PTPRG: variants seen among roughly 807,000 people sequenced by gnomAD.
PTPRG encodes protein tyrosine phosphatase receptor type G.
PTPRG carries 102 observed loss-of-function variants against 165.3 expected under a neutral mutation model. The observed-to-expected ratio is 0.62, with a 90% confidence interval of 0.53 to 0.73. PTPRG has a LOEUF of 0.73. PTPRG is among the 30% of genes least tolerant of loss of function. PTPRG has a pLI of 0.00. For missense variants in PTPRG, 1,866 were observed against 1,861.4 expected, an observed-to-expected ratio of 1.00 and a Z score of -0.05; for synonymous variants, 675 against 669.5, an observed-to-expected ratio of 1.01 and a Z score of -0.13.
intron 6 of PTPRG, among the ~76,000 whole-genome samples, chr3:62,153,515 A>G (rs9846603): frequency 0.012 from 1,773 of 152,314 alleles, 32 homozygotes; most frequent in African/African-American, 0.041. Flanking sequence ...TGGACAATAT[A>G]TCTAACATGG....
intron 8 of PTPRG, among the ~76,000 whole-genome samples, chr3:62,171,879 C>T (rs912352645): frequency 2.6e-5 from 4 of 152,186 alleles, no homozygotes; most frequent in Admixed American, 2.6e-4. Context: ...GTAGCAATCA[C>T]TCCCATTCTC....
At chr3:62,208,312 A>C (rs550143770) in intron 12 of PTPRG, among the ~76,000 whole-genome samples, 1 of 152,318 alleles carries the variant, frequency 6.6e-6, no homozygotes, top group South Asian at 2.1e-4. Context: ...AACTGATGCA[A>C]TGAAATGTTC....
intron 28 of PTPRG, among the ~76,000 whole-genome samples, chr3:62,288,293 T>A (rs1195670426): frequency 6.6e-6 from 1 of 151,960 alleles, no homozygotes; most frequent in Non-Finnish European, 1.5e-5. Flanking sequence ...ATAGTAAAAT[T>A]TAAGCAATAA....
At chr3:61,877,660 C>T (rs755295100) in intron 2 of PTPRG, among the ~76,000 whole-genome samples, 18 of 152,222 alleles carry the variant, frequency 1.2e-4, no homozygotes, top group Admixed American at 6.5e-5. Context: ...GGGATGTTAA[C>T]GTGTTTGCAT....
intron 1 of PTPRG, among the ~76,000 whole-genome samples, chr3:61,744,827 TCA>T (rs1491081677): frequency 1.0e-5 from 1 of 95,268 alleles, no homozygotes; most frequent in Admixed American, 1.0e-4. Context: ...TATTGGTTAC[TCA>T]GGGCCATTTT....
chr3:61,804,679 CAA>C (rs201093675), intron 2 of PTPRG, among the ~76,000 whole-genome samples: 50 of 115,292 alleles, frequency 4.3e-4, no homozygotes, highest in African/African-American at 4.1e-4. Context: ...TTTCTCTCTC[CAA>C]AAAAAAAAAA....
At chr3:61,758,848 T>G (rs2033732143) in intron 2 of PTPRG, among the ~76,000 whole-genome samples, 1 of 152,298 alleles carries the variant, frequency 6.6e-6, no homozygotes, top group African/African-American at 2.4e-5. Context: ...TTTCACTGGA[T>G]TGTGAACTTT....
At chr3:62,158,256 A>G (rs980986042) in intron 7 of PTPRG, among the ~76,000 whole-genome samples, 36 of 152,204 alleles carry the variant, frequency 2.4e-4, no homozygotes, top group African/African-American at 8.0e-4. Flanking sequence ...TAGGAGGGAC[A>G]TGTTAGTTGT....
chr3:61,567,425 C>G (rs1699937997), intron 1 of PTPRG, among the ~76,000 whole-genome samples: 1 of 152,136 alleles, frequency 6.6e-6, no homozygotes, highest in Non-Finnish European at 1.5e-5. Flanking sequence ...CTCCTATAAT[C>G]ACAGTGCTTT....
At chr3:61,935,855 ATATTT>A (rs1316257475) in intron 2 of PTPRG, among the ~76,000 whole-genome samples, 1 of 147,608 alleles carries the variant, frequency 6.8e-6, no homozygotes, top group African/African-American at 2.5e-5. Context: ...TTCATATAGA[ATATTT>A]AATTTAATAA....
chr3:61,798,601 C>A (rs1553670634), intron 2 of PTPRG, among the ~76,000 whole-genome samples: 3 of 141,588 alleles, frequency 2.1e-5, no homozygotes, highest in Non-Finnish European at 1.5e-5. Flanking sequence ...ATTCAAAGTG[C>A]TGTTGTTGTT....
rs138356834 is a variant in PTPRG, at chr3:62,008,215, G to C, written c.519+4718G>C. Among the ~76,000 whole-genome samples, 3 of 152,320 alleles carry C rather than the reference G, an allele frequency of 2.0e-5. No homozygotes were observed. The East Asian group carries it at 5.8e-4, about 29-fold the overall frequency. On this transcript the variant is annotated intron_variant, in intron 4 of 29. Transcript: ENST00000474889. Reference sequence around the variant, plus strand: ...TGCTGTATTTCCACTAATAACCAAAGTTGCAGTTAATGCAAAGAGAAACCT... The same window carrying C: ...TGCTGTATTTCCACTAATAACCAAACTTGCAGTTAATGCAAAGAGAAACCT...
intron 1 of PTPRG, among the ~76,000 whole-genome samples, chr3:61,572,906 T>C (rs371090302): frequency 3.3e-5 from 5 of 152,220 alleles, no homozygotes; most frequent in African/African-American, 7.2e-5. Context: ...ATTTTTTCTT[T>C]GGGCTTGTTT....
chr3:61,827,247 A>T lies in PTPRG; in HGVS notation c.190+78265A>T, dbSNP rs566090198. Among the ~76,000 whole-genome samples, 11 of 152,296 alleles carry T rather than the reference A, an allele frequency of 7.2e-5. No homozygotes were observed. The East Asian group carries it at 2.1e-3, about 29-fold the overall frequency. ...CAAGAAAACATCTTGCTGTTGTAAG[A>T]TTCTATTTGGAGGACTGGTTTGCGG... On this transcript the variant is annotated intron_variant, in intron 2 of 29. Coordinates refer to ENST00000474889, the MANE Select transcript of PTPRG (RefSeq NM_002841.4).
At chr3:61,984,121 C>A (rs1380217852) in intron 2 of PTPRG, among the ~76,000 whole-genome samples, 1 of 152,128 alleles carries the variant, frequency 6.6e-6, no homozygotes, top group Non-Finnish European at 1.5e-5. Flanking sequence ...ATTCTCCCTA[C>A]TGTGGAAATA....
At chr3:62,068,610 G>A (rs1362707658) in intron 4 of PTPRG, among the ~76,000 whole-genome samples, 1 of 152,160 alleles carries the variant, frequency 6.6e-6, no homozygotes, top group African/African-American at 2.4e-5. Flanking sequence ...TGAGTAGCTA[G>A]AACTACTGGT....
At chr3:61,740,693 GT>G (rs879878480) in intron 1 of PTPRG, among the ~76,000 whole-genome samples, 1 of 151,870 alleles carries the variant, frequency 6.6e-6, no homozygotes, top group East Asian at 1.9e-4. Flanking sequence ...CGACATTGCT[GT>G]GTGATTCCTC....
chr3:61,653,645 G>C (rs1246888366), intron 1 of PTPRG, among the ~76,000 whole-genome samples: 1 of 152,128 alleles, frequency 6.6e-6, no homozygotes, highest in African/African-American at 2.4e-5. Context: ...ATATGTCTTT[G>C]TTTTGTTAGG....
At chr3:61,844,419 C>A (rs2036745477) in intron 2 of PTPRG, among the ~76,000 whole-genome samples, 1 of 152,004 alleles carries the variant, frequency 6.6e-6, no homozygotes, top group Admixed American at 6.5e-5. Flanking sequence ...TAAGTAAATC[C>A]CATTCAATAT....
Sources: allele counts gnomAD v4.1 joint callset (sites outside exome capture counted in the v4.1 genomes callset), GRCh38; gene constraint gnomAD v4.1.1; transcripts MANE v1.5; gene names NCBI Gene and HGNC (gene_info 2026-07-23, HGNC 2026-07-21).